The following KLB variants were observed in gnomAD, a reference collection of about 807,000 sequenced individuals.
KLB encodes the protein beta-klotho.
Under a neutral mutation model 88.4 loss-of-function variants are expected in KLB, and 44 were observed. The ratio of observed to expected loss-of-function variants is 0.50; its 90% CI spans 0.39 to 0.64. The LOEUF (loss-of-function observed/expected upper bound fraction) is 0.64. Ranked by LOEUF, KLB falls within the 30% of genes least tolerant of loss-of-function variation. KLB has a pLI of 0.00. For synonymous variants in KLB, 548 were observed against 513.4 expected (o/e 1.07, Z -0.91); for missense variants, 1,137 against 1,304.8 (o/e 0.87, Z 1.98).
intron 1 of KLB, among the ~76,000 whole-genome samples, chr4:39,421,512 G>C (rs901973564): frequency 1.3e-4 from 20 of 152,154 alleles, no homozygotes; most frequent in African/African-American, 4.8e-4. Context: ...CACTTTAGGA[G>C]GCCAAGGTGG....
At chr4:39,436,823 C>A (rs1268399247) in intron 2 of KLB, among the ~76,000 whole-genome samples, 2 of 152,004 alleles carry the variant, frequency 1.3e-5, no homozygotes, top group South Asian at 2.1e-4. Context: ...GATTCTCCTG[C>A]CTCAGCCTCC....
At chr4:39,443,318 G>C (rs1425696950) in intron 3 of KLB, among the ~76,000 whole-genome samples, 2 of 151,194 alleles carry the variant, frequency 1.3e-5, no homozygotes, top group Non-Finnish European at 2.9e-5. Context: ...AGCCCAGGTG[G>C]TCGAGGATGC....
At position 39,434,476 on chromosome 4, in the gene KLB, A is replaced by C; in HGVS notation, c.1092A>C (p.Arg364Ser). 6.2e-7 allele frequency: 1 copy of C among 1,614,194 alleles called. No individual in the cohort carries two copies. The highest frequency in any genetic ancestry group is 8.5e-7 in the Non-Finnish European group (1 of 1,180,048). The part of the protein sequence containing the change: ...IFSEAEKHEM[R>S]GTADFFAFSF... ...CTGAAGCAGAGAAGCATGAGATGAGAGGCACAGCTGATTTCTTTGCCTTTT... is the reference window on the plus strand; with the variant it reads ...CTGAAGCAGAGAAGCATGAGATGAGCGGCACAGCTGATTTCTTTGCCTTTT... Residue 364 changes from arginine to serine, a missense_variant, in exon 2 of 5, where the codon AGA (arginine) becomes AGC (serine). Around this residue, in one of 4 missense-constraint regions of KLB, gnomAD observed 597 missense variants for 765.2 expected, o/e 0.78. Transcript: ENST00000257408.
intron 4 of KLB, among the ~76,000 whole-genome samples, chr4:39,447,706 A>T (rs1171801627): frequency 5.9e-5 from 9 of 152,240 alleles, no homozygotes; most frequent in Admixed American, 1.3e-4. Flanking sequence ...AGAAGTTTTT[A>T]AAAAATCACC....
At position 39,450,618 on chromosome 4, in the gene KLB, G is replaced by A. The variant is rs1487768931; in HGVS notation, c.*1932G>A. 6.6e-6 allele frequency: 1 copy of A among 152,136 alleles called. No homozygotes were observed. Among genetic ancestry groups the A allele is most frequent in the Non-Finnish European group, 1.5e-5 (1 of 68,024 alleles). 9.4% of individuals were successfully genotyped at this position (152,136 alleles called of 1,614,324 possible). A position where few individuals can be genotyped will look rare whatever the true frequency, so the allele number is the denominator to read the frequency against. On this transcript the variant is annotated 3_prime_UTR_variant, in exon 5 of 5. Coordinates refer to ENST00000257408, the MANE Select transcript of KLB (RefSeq NM_175737.4). Reference sequence around the variant, plus strand: ...GGCAGTTTTGAGGTATGATTTTCAAGGAATTTTTTTAGTATTAACATCTCC... The same window carrying A: ...GGCAGTTTTGAGGTATGATTTTCAAAGAATTTTTTTAGTATTAACATCTCC...
At chr4:39,421,947 T>C (rs996936873) in intron 1 of KLB, among the ~76,000 whole-genome samples, 8 of 152,146 alleles carry the variant, frequency 5.3e-5, no homozygotes, top group Non-Finnish European at 8.8e-5. Context: ...GGTTTCACCA[T>C]GTTGGCCAGG....
At position 39,434,697 on chromosome 4, in the gene KLB, A is replaced by T. The variant is rs1743433042; in HGVS notation, c.1313A>T (p.Asn438Ile). The part of the protein sequence containing the change: ...EDTTAIYMMK[N>I]FLSQVLQAIR... ...ACCACGGCCATCTACATGATGAAGA[A>T]TTTCCTCAGCCAGGTGCTTCAAGGT... The change falls in exon 2 of 5, where the codon AAT becomes ATT. Residue 438 changes from asparagine (N) to isoleucine (I), a missense_variant. Physicochemically the swap from Asn to Ile is moderately radical, Grantham distance 149 (BLOSUM62 -3). Transcript: ENST00000257408. The T allele has an allele frequency of 6.2e-7, 1 of 1,613,078 alleles. No individual in the cohort carries two copies. The highest frequency in any genetic ancestry group is 8.5e-7 in the Non-Finnish European group (1 of 1,179,506).
chr4:39,411,892 A>C (rs546017196), intron 1 of KLB: 6 of 151,684 alleles, frequency 4.0e-5, no homozygotes, highest in African/African-American at 1.5e-4. Context: ...ACCAAATGCC[A>C]TATGTTCTCT....
Position 39,447,094 on chromosome 4 carries a change from A to T in KLB, c.2368A>T (p.Ile790Phe). The T allele has an allele frequency of 6.2e-7, 1 of 1,613,182 alleles. No homozygotes were observed. Among genetic ancestry groups the T allele is most frequent in the Non-Finnish European group, 8.5e-7 (1 of 1,179,962 alleles). The change falls in exon 4 of 5, where the codon ATT (isoleucine) becomes TTT (phenylalanine). Residue 790 changes from isoleucine to phenylalanine, a missense_variant. By Grantham distance (21) the Ile-to-Phe change is conservative. Around this residue, in one of 4 missense-constraint regions of KLB, gnomAD observed 426 missense variants for 404.6 expected, o/e 1.05. Transcript: ENST00000257408. The stretch of plus-strand genomic sequence containing the variant: ...CTACCCCGCGGCCATGAGGGAATAC[A>T]TTGCCTCCAAGCACCGACGGGGGCT... ...GDYPAAMREY[I>F]ASKHRRGLSS...
chr4:39,412,968 A>G (rs1432090774), intron 1 of KLB, among the ~76,000 whole-genome samples: 3 of 152,250 alleles, frequency 2.0e-5, no homozygotes, highest in Admixed American at 2.0e-4. Flanking sequence ...TATATTAGTC[A>G]GGACTTTTTT....
At chr4:39,432,641 G>T (rs992680973) in intron 1 of KLB, among the ~76,000 whole-genome samples, 6 of 151,974 alleles carry the variant, frequency 3.9e-5, no homozygotes, top group African/African-American at 1.5e-4. Flanking sequence ...ATCTATCTCA[G>T]TCTCTCAGCC....
rs1743780960 is a variant in KLB, at chr4:39,447,435, G to A, written c.2709G>A (p.Arg903=). 6.2e-7 allele frequency: 1 copy of A among 1,608,678 alleles called. No individual in the cohort carries two copies. The highest frequency in any genetic ancestry group is 8.5e-7 in the Non-Finnish European group (1 of 1,177,432). Residue 903 remains arginine (R), a synonymous_variant, in exon 4 of 5, where the codon CGG becomes CGA. Transcript: ENST00000257408. The stretch of plus-strand genomic sequence containing the variant: ...AGGCTCTGGAGGATGACCGGCTCCG[G>A]AAGTACTACCTAGGGAAGTACCTTC... ...DDQALEDDRL[R]KYYLGKYLQE...
intron 1 of KLB, among the ~76,000 whole-genome samples, chr4:39,414,292 A>G (rs1224388196): frequency 1.6e-5 from 2 of 125,258 alleles, no homozygotes; most frequent in Non-Finnish European, 3.5e-5. Flanking sequence ...TGTACAGCCT[A>G]TACTGTTTTT....
At chr4:39,435,191 C>T (rs1423120793) in intron 2 of KLB, among the ~76,000 whole-genome samples, 1 of 151,880 alleles carries the variant, frequency 6.6e-6, no homozygotes, top group Non-Finnish European at 1.5e-5. Flanking sequence ...AATCTTGGCT[C>T]ACTGCAACCT....
chr4:39,438,639 A>T (rs907747890), intron 3 of KLB, among the ~76,000 whole-genome samples: 4 of 152,224 alleles, frequency 2.6e-5, no homozygotes, highest in Non-Finnish European at 2.9e-5. Context: ...CCCCTACTAG[A>T]ATGCAAGCTG....
At chr4:39,448,148 CATAAAAGA>C (rs1743802479) in intron 4 of KLB, among the ~76,000 whole-genome samples, 145 bp from the exon 5 acceptor site, 1 of 152,096 alleles carries the variant, frequency 6.6e-6, no homozygotes, top group Admixed American at 6.5e-5. Flanking sequence ...TTACATAGAT[CATAAAAGA>C]ATAAATGTCA....
At chr4:39,437,641 C>T (rs1210774246) in intron 2 of KLB, 86 bp from the exon 3 acceptor site, 2 of 1,435,702 alleles carry the variant, frequency 1.4e-6, no homozygotes, top group Non-Finnish European at 9.4e-7. Context: ...TTACAATATG[C>T]TGTCCTCTGG....
chr4:39,407,229 T>C lies in KLB; in HGVS notation c.280T>C (p.Leu94=). The C allele has an allele frequency of 6.2e-7, 1 of 1,614,112 alleles. No homozygotes were observed. Among genetic ancestry groups the C allele is most frequent in the Non-Finnish European group, 8.5e-7 (1 of 1,180,004 alleles). Reference sequence around the variant, plus strand: ...TTTCTGGGGTATTGGGACTGGAGCATTGCAAGTGGAAGGGAGTTGGAAGAA... The same window carrying C: ...TTTCTGGGGTATTGGGACTGGAGCACTGCAAGTGGAAGGGAGTTGGAAGAA... The part of the protein sequence containing the change: ...NFFWGIGTGA[L]QVEGSWKKDG... The change falls in exon 1 of 5, where the codon TTG becomes CTG. Residue 94 remains leucine, a synonymous_variant. Coordinates refer to ENST00000257408, the MANE Select transcript of KLB (RefSeq NM_175737.4).
chr4:39,450,160 A>G lies in KLB; in HGVS notation c.*1474A>G, dbSNP rs564233574. 1 of 152,304 alleles carries G rather than the reference A, an allele frequency of 6.6e-6. No individual in the cohort carries two copies. The highest frequency in any genetic ancestry group is 6.5e-5 in the Admixed American group (1 of 15,296). 9.4% of individuals were successfully genotyped at this position (152,304 alleles called of 1,614,324 possible). On this transcript the variant is annotated 3_prime_UTR_variant, in exon 5 of 5. Coordinates refer to ENST00000257408, the MANE Select transcript of KLB (RefSeq NM_175737.4). ...GATAATTTGACACTTTGGGAAATGA[A>G]CTCTGTTCTTGAGACTTGTTCAGTG...
Sources: gnomAD v4.1 joint callset for allele counts (sites outside exome capture counted in the v4.1 genomes callset) on GRCh38, gnomAD v4.1.1 for gene constraint, gnomAD v4.1.1 regional missense constraint, MANE v1.5 for transcripts, NCBI Gene and HGNC (gene_info 2026-07-23, HGNC 2026-07-21) for gene names.